TBL1X: variants seen among roughly 807,000 people sequenced by gnomAD.
TBL1X encodes F-box-like/WD repeat-containing protein TBL1X.
A neutral mutation model predicts 50.7 loss-of-function variants in TBL1X; 10 were observed. The observed-to-expected ratio is 0.20, with a 90% CI of 0.12 to 0.33. The LOEUF (loss-of-function observed/expected upper bound fraction) is 0.33. Among genes scored for constraint, TBL1X ranks in the 10% least tolerant of loss-of-function variants. The pLI is 1.00. For synonymous variants in TBL1X, 190 were observed against 214.7 expected (o/e 0.88, Z 1.01); for missense variants, 340 against 504.4 (o/e 0.67, Z 3.12).
chrX:9,536,872 C>A (rs1002654224), intron 2 of TBL1X, among the ~76,000 whole-genome samples: 1 of 111,762 alleles, frequency 8.9e-6, no homozygotes, highest in African/African-American at 3.3e-5. Context: ...CCTCTCGCAC[C>A]AAGGCAGTGG....
At chrX:9,550,730 G>T (rs779004068) in intron 2 of TBL1X, among the ~76,000 whole-genome samples, 25 of 112,390 alleles carry the variant, frequency 2.2e-4, no homozygotes, top group African/African-American at 6.5e-4. Context: ...AGATTGTTCT[G>T]GTTTCAAGGA....
At position 9,613,917 on chromosome X, in the gene TBL1X, C is replaced by T. The variant is rs192932839; in HGVS notation, c.-130-26356C>T. On this transcript the variant is annotated intron_variant, in intron 2 of 17. Transcript: ENST00000645353. ...AGGAGAATAGCTTGAAACCGGGAGG[C>T]GGAGGTTGCAGTGAGCTGAGATTGC... Among the ~76,000 whole-genome samples, 379 of 92,246 alleles carry T rather than the reference C, an allele frequency of 4.1e-3. 1 individual carries two copies. The highest frequency in any genetic ancestry group is 0.015 in the African/African-American group (359 of 23,192). 80.1% of individuals were successfully genotyped at this position (92,246 alleles called of 115,157 possible). A position where few individuals can be genotyped will look rare whatever the true frequency, so the allele number is the denominator to read the frequency against.
At chrX:9,487,473 C>A (rs907707265) in intron 1 of TBL1X, among the ~76,000 whole-genome samples, 1 of 111,746 alleles carries the variant, frequency 8.9e-6, no homozygotes, top group Non-Finnish European at 1.9e-5. Flanking sequence ...ATGTGTTGTT[C>A]TAGTTTCTTG....
chrX:9,528,598 C>T (rs77832257), intron 2 of TBL1X, among the ~76,000 whole-genome samples: 2,217 of 107,767 alleles, frequency 0.021, 42 homozygotes, highest in Admixed American at 0.068. Flanking sequence ...GCAGGTGACC[C>T]GCAGCTGCAC....
chrX:9,583,446 G>A (rs1477325226), intron 2 of TBL1X, among the ~76,000 whole-genome samples: 1 of 112,277 alleles, frequency 8.9e-6, no homozygotes, highest in Non-Finnish European at 1.9e-5. Context: ...TTTCTTTCGT[G>A]CTCATGGGAA....
chrX:9,696,944 C>A (rs1209528068), intron 11 of TBL1X, among the ~76,000 whole-genome samples: 7 of 112,022 alleles, frequency 6.2e-5, no homozygotes, highest in Non-Finnish European at 1.3e-4. Flanking sequence ...TGCAGAAATT[C>A]AAAAAGTTGC....
chrX:9,623,961 A>G (rs1431922226), intron 2 of TBL1X, among the ~76,000 whole-genome samples: 2 of 112,098 alleles, frequency 1.8e-5, no homozygotes, highest in African/African-American at 6.5e-5. Flanking sequence ...ACCCATTTGC[A>G]TCTTGCTTAT....
intron 2 of TBL1X, among the ~76,000 whole-genome samples, chrX:9,616,660 T>C (rs1324528122): frequency 8.9e-6 from 1 of 112,450 alleles, no homozygotes; most frequent in African/African-American, 3.2e-5. Flanking sequence ...AAATTTGCAC[T>C]ATGTTTTCCT....
In TBL1X at chrX:9,701,161, C is replaced by T. The variant is rs146562322; in HGVS notation, c.1114+3732C>T. On this transcript the variant is annotated intron_variant, in intron 12 of 17. Transcript: ENST00000645353. Reference sequence around the variant, plus strand: ...TGTCAGCTTGCCAGCGTCGATACAACGCTACGGCTACGCGAAATGTAACCC... The same window carrying T: ...TGTCAGCTTGCCAGCGTCGATACAATGCTACGGCTACGCGAAATGTAACCC... Among the ~76,000 whole-genome samples the T allele has an allele frequency of 3.8e-3, 427 of 111,428 alleles. 3 individuals are homozygous for T. Among genetic ancestry groups the T allele is most frequent in the African/African-American group, 0.013 (393 of 30,666 alleles).
chrX:9,566,288 G>A (rs916240279), intron 2 of TBL1X, among the ~76,000 whole-genome samples: 7 of 111,822 alleles, frequency 6.3e-5, no homozygotes, highest in African/African-American at 2.0e-4. Context: ...TCTAGACATT[G>A]CCCAATGTTT....
Position 9,664,404 on chromosome X carries a change from G to A in TBL1X, c.211+10082G>A, listed in dbSNP as rs749255252. ...GGGTACTCTCTTGTGTAATGGATTC[G>A]AGTGGCAGCCCTATTAACTGAGAAA... is the stretch of plus-strand genomic sequence containing the variant. On this transcript the variant is annotated intron_variant, in intron 5 of 17. Transcript: ENST00000645353. 6.2e-4 allele frequency among the ~76,000 whole-genome samples: 69 copies of A among 111,477 alleles called. 1 individual carries two copies. Among genetic ancestry groups the A allele is most frequent in the South Asian group, 3.8e-4 (1 of 2,626 alleles).
intron 2 of TBL1X, among the ~76,000 whole-genome samples, chrX:9,529,318 G>A (rs1041687175): frequency 4.5e-5 from 5 of 111,081 alleles, no homozygotes; most frequent in African/African-American, 1.6e-4. Context: ...CTCTCTTGCC[G>A]GTCCTCTGTT....
chrX:9,506,980 T>A (rs1032682319), intron 2 of TBL1X, among the ~76,000 whole-genome samples: 16 of 111,595 alleles, frequency 1.4e-4, no homozygotes, highest in Non-Finnish European at 2.8e-4. Flanking sequence ...ACACAGCCAA[T>A]ATCATACTAA....
chrX:9,622,080 G>A (rs1404673846), intron 2 of TBL1X, among the ~76,000 whole-genome samples: 1 of 108,802 alleles, frequency 9.2e-6, no homozygotes, highest in Non-Finnish European at 1.9e-5. Flanking sequence ...TAACTGTTTC[G>A]ATATTTCTGA....
intron 15 of TBL1X, among the ~76,000 whole-genome samples, chrX:9,711,298 C>T (rs896761080): frequency 2.9e-5 from 3 of 104,766 alleles, no homozygotes; most frequent in Non-Finnish European, 5.8e-5. Context: ...GTCATGATCA[C>T]GCCACTGCAC....
intron 5 of TBL1X, among the ~76,000 whole-genome samples, chrX:9,664,593 T>A (rs1299801052): frequency 9.0e-6 from 1 of 111,663 alleles, no homozygotes; most frequent in Non-Finnish European, 1.9e-5. Flanking sequence ...CATGGCTTCT[T>A]CCCTGCTCAT....
intron 2 of TBL1X, among the ~76,000 whole-genome samples, chrX:9,520,067 G>A (rs1308264487): frequency 8.9e-6 from 1 of 112,186 alleles, no homozygotes; most frequent in African/African-American, 3.2e-5. Context: ...AGTTGTGGGT[G>A]GGGCTGATTA....
rs1052022623 is a variant in TBL1X at position 9,551,387 on chromosome X, C to T, written c.-131+49538C>T. On this transcript the variant is annotated intron_variant, in intron 2 of 17. Transcript: ENST00000645353. Reference sequence around the variant, plus strand: ...GGCGAACACGTTCTCATGCATTCTTCATGGTGGTGGTGATGCTGATGTTAA... The same window carrying T: ...GGCGAACACGTTCTCATGCATTCTTTATGGTGGTGGTGATGCTGATGTTAA... 3.6e-5 allele frequency among the ~76,000 whole-genome samples: 4 copies of T among 110,991 alleles called. No homozygotes were observed. The East Asian group carries it at 1.1e-3, about 32-fold the overall frequency.
At chrX:9,693,064 G>C in intron 9 of TBL1X, 85 bp from the exon 10 acceptor site, 1 of 996,047 alleles carries the variant, frequency 1.0e-6, no homozygotes, top group Non-Finnish European at 1.4e-6. Context: ...AGTGTACCTG[G>C]ATCCTCGGAG....
Sources: allele counts gnomAD v4.1 joint callset (sites outside exome capture counted in the v4.1 genomes callset), GRCh38; gene constraint gnomAD v4.1.1; transcripts MANE v1.5; gene names NCBI Gene and HGNC (gene_info 2026-07-23, HGNC 2026-07-21).